Variants in HTT-AS observed in about 807,000 individuals in gnomAD.
The protein encoded by HTT-AS is HTT antisense RNA.
chr4:3,050,266 T>G (rs1481756906), intron 2 of HTT-AS, among the ~76,000 whole-genome samples: 5 of 152,216 alleles, frequency 3.3e-5, no homozygotes, highest in African/African-American at 1.2e-4. Flanking sequence ...CACAGGTAAT[T>G]TGACTTAGAC....
intron 2 of HTT-AS, among the ~76,000 whole-genome samples, chr4:3,051,376 T>C (rs558037504): frequency 2.0e-5 from 3 of 152,260 alleles, no homozygotes; most frequent in African/African-American, 7.2e-5. Flanking sequence ...TTTGCCAGTT[T>C]GATATTTGGT....
At chr4:3,074,460 C>G (rs1712337586) in exon 1 of HTT-AS, 1 of 213,432 alleles carries the variant, frequency 4.7e-6, no homozygotes, top group Admixed American at 6.1e-5. Context: ...GTCCCCTCTC[C>G]GTTGAGCCCC....
At chr4:3,047,631 A>G (rs1711617056), downstream of HTT-AS, among the ~76,000 whole-genome samples, 1 of 152,184 alleles carries the variant, frequency 6.6e-6, no homozygotes, top group East Asian at 1.9e-4. Flanking sequence ...TTAGCCGACC[A>G]GGGAAGGGAG....
Position 3,058,665 on chromosome 4 carries a change from T to G in HTT-AS, n.1380+3769A>C, listed in dbSNP as rs566566939. On this transcript the variant is annotated intron_variant and non_coding_transcript_variant, in intron 2 of 2. Transcript: ENST00000664062. ...CATTTTACCCCGCCCCTATTCAAGA[T>G]GAAGTTGTTCTGGTTCCAACGCCTC... 1.1e-4 allele frequency among the ~76,000 whole-genome samples: 16 copies of G among 152,142 alleles called. No individual in the cohort carries two copies. The South Asian group carries it at 3.3e-3, about 32-fold the overall frequency.
At chr4:3,065,027 C>G (rs545019194) in intron 1 of HTT-AS, among the ~76,000 whole-genome samples, 1 of 152,012 alleles carries the variant, frequency 6.6e-6, no homozygotes, top group Admixed American at 6.6e-5. Flanking sequence ...GTGAATATAC[C>G]CAAAGAAAAA....
chr4:3,060,790 A>T (rs1357255077), intron 2 of HTT-AS, among the ~76,000 whole-genome samples: 1 of 152,214 alleles, frequency 6.6e-6, no homozygotes. Context: ...AGGAGCAGGC[A>T]ACATAGTGTC....
At chr4:3,060,459 T>G (rs1218124293) in intron 2 of HTT-AS, among the ~76,000 whole-genome samples, 1 of 152,198 alleles carries the variant, frequency 6.6e-6, no homozygotes, top group Non-Finnish European at 1.5e-5. Context: ...AAGGTCTCAT[T>G]TAATTTAGAA....
intron 1 of HTT-AS, among the ~76,000 whole-genome samples, chr4:3,065,249 T>C (rs1463073291): frequency 6.6e-6 from 1 of 152,094 alleles, no homozygotes; most frequent in Non-Finnish European, 1.5e-5. Context: ...TTTCTTCTTT[T>C]TTTTTTTTGA....
chr4:3,065,193 T>C (rs753059022), intron 1 of HTT-AS, among the ~76,000 whole-genome samples: 1 of 152,094 alleles, frequency 6.6e-6, no homozygotes, highest in Non-Finnish European at 1.5e-5. Flanking sequence ...GGGCACACGC[T>C]GGAGGGAATA....
chr4:3,046,967 C>T (rs566666093), downstream of HTT-AS, among the ~76,000 whole-genome samples: 7 of 152,198 alleles, frequency 4.6e-5, no homozygotes, highest in African/African-American at 7.2e-5. Context: ...GGCAAGACCC[C>T]GAGGGCACAA....
intron 2 of HTT-AS, among the ~76,000 whole-genome samples, chr4:3,051,068 G>GTGTGTC (rs1711695160): frequency 1.3e-5 from 2 of 151,202 alleles, no homozygotes; most frequent in Admixed American, 1.3e-4. Flanking sequence ...GTGTGTGTGT[G>GTGTGTC]TGTGTGTGTG....
At chr4:3,068,412 A>C (rs570401704) in intron 1 of HTT-AS, among the ~76,000 whole-genome samples, 6 of 152,058 alleles carry the variant, frequency 3.9e-5, no homozygotes, top group South Asian at 2.1e-4. Flanking sequence ...GTGAAGAAGG[A>C]AGGCAAAATA....
intron 1 of HTT-AS, among the ~76,000 whole-genome samples, chr4:3,068,936 C>T (rs1037269316): frequency 1.3e-5 from 2 of 151,640 alleles, no homozygotes; most frequent in African/African-American, 4.8e-5. Context: ...ATTACAGGCG[C>T]GAGCCACTGC....
intron 2 of HTT-AS, among the ~76,000 whole-genome samples, chr4:3,049,874 G>C (rs1711666749): frequency 6.8e-6 from 1 of 147,580 alleles, no homozygotes; most frequent in South Asian, 2.2e-4. Context: ...AATAGCCCAG[G>C]GTTATAAACT....
At chr4:3,048,156 T>G (rs1464893304), downstream of HTT-AS, among the ~76,000 whole-genome samples, 1 of 152,164 alleles carries the variant, frequency 6.6e-6, no homozygotes, top group Non-Finnish European at 1.5e-5. Context: ...TGTGTCCTTA[T>G]TTCTGTGATC....
chr4:3,058,314 G>C (rs971478240), intron 2 of HTT-AS, among the ~76,000 whole-genome samples: 1 of 150,754 alleles, frequency 6.6e-6, no homozygotes, highest in African/African-American at 2.4e-5. Context: ...CAACAAGAAT[G>C]AAACTCTGTC....
intron 2 of HTT-AS, among the ~76,000 whole-genome samples, chr4:3,054,222 G>A (rs1475576719): frequency 6.6e-6 from 1 of 151,536 alleles, no homozygotes; most frequent in South Asian, 2.1e-4. Flanking sequence ...ATATAAGAAA[G>A]GATCTCGTAT....
chr4:3,059,571 G>T lies in HTT-AS; in HGVS notation n.1380+2863C>A, dbSNP rs545094028. ...ATGTTTCTACCAATTTTCTATTTTT[G>T]GACATTGAGGTTGTTTCATTTTTTT... On this transcript the variant is annotated intron_variant and non_coding_transcript_variant, in intron 2 of 2. Coordinates refer to ENST00000664062, the Ensembl canonical transcript of HTT-AS. Among the ~76,000 whole-genome samples, 257 of 152,056 alleles carry T rather than the reference G, an allele frequency of 1.7e-3. 2 individuals carry two copies. The highest frequency in any genetic ancestry group is 3.5e-3 in the Admixed American group (53 of 15,246).
chr4:3,051,874 T>C (rs1284958943), intron 2 of HTT-AS, among the ~76,000 whole-genome samples: 1 of 150,906 alleles, frequency 6.6e-6, no homozygotes, highest in Non-Finnish European at 1.5e-5. Flanking sequence ...CAGTAACTGC[T>C]GCAGATCCCT....
Sources: allele counts gnomAD v4.1 joint callset (sites outside exome capture counted in the v4.1 genomes callset), GRCh38; gene constraint gnomAD v4.1.1; transcripts MANE v1.5; gene names NCBI Gene and HGNC (gene_info 2026-07-23, HGNC 2026-07-21).